Variants in NUFIP1 observed in about 807,000 individuals in gnomAD.
NUFIP1 encodes the protein nuclear FMR1 interacting protein 1.
A neutral mutation model predicts 56.2 loss-of-function variants in NUFIP1; 38 were observed. That is an observed-to-expected ratio of 0.68 (90% CI 0.52 to 0.89). NUFIP1 has a LOEUF of 0.89. Ranked by LOEUF, NUFIP1 falls within the 40% of genes least tolerant of loss-of-function variation. The pLI is 0.00. For synonymous variants in NUFIP1, 215 were observed against 212.4 expected (o/e 1.01, Z -0.10); for missense variants, 567 against 605.8 (o/e 0.94, Z 0.67).
At chr13:44,973,883 A>G (rs768243207) in intron 5 of NUFIP1, among the ~76,000 whole-genome samples, 13 of 152,236 alleles carry the variant, frequency 8.5e-5, no homozygotes, top group Non-Finnish European at 1.9e-4. Flanking sequence ...GATATGATAA[A>G]TAACAAGTTT....
intron 5 of NUFIP1, among the ~76,000 whole-genome samples, chr13:44,975,879 C>T (rs1871955476): frequency 6.6e-6 from 1 of 152,108 alleles, no homozygotes; most frequent in African/African-American, 2.4e-5. Context: ...TAATTTATAC[C>T]ACCACAAGAT....
rs1307617168 is a variant in NUFIP1, at chr13:44,939,573, T to A, written c.*1633A>T. The A allele has an allele frequency of 1.3e-5, 2 of 152,122 alleles. No homozygotes were observed. Among genetic ancestry groups the A allele is most frequent in the African/African-American group, 4.8e-5 (2 of 41,416 alleles). 9.4% of individuals were successfully genotyped at this position (152,122 alleles called of 1,614,324 possible). ...TATTTACAAATATTGACCATATAAT[T>A]CCATAAAGTAGAAACCATACAGGCT... On this transcript the variant is annotated 3_prime_UTR_variant, in exon 10 of 10. Coordinates refer to ENST00000379161, the MANE Select transcript of NUFIP1 (RefSeq NM_012345.3).
At chr13:44,959,639 A>G in intron 6 of NUFIP1, 65 bp from the exon 7 acceptor site, 1 of 1,349,084 alleles carries the variant, frequency 7.4e-7, no homozygotes. Flanking sequence ...ATTTTGAAAA[A>G]GACTACTAGA....
intron 7 of NUFIP1, among the ~76,000 whole-genome samples, chr13:44,953,929 A>G (rs1157582059): frequency 1.3e-5 from 2 of 152,182 alleles, no homozygotes; most frequent in African/African-American, 4.8e-5. Context: ...TGTTTAAGGG[A>G]CAAACCATAT....
At chr13:44,968,830 T>A (rs1251234926) in intron 5 of NUFIP1, among the ~76,000 whole-genome samples, 1 of 152,200 alleles carries the variant, frequency 6.6e-6, no homozygotes, top group Non-Finnish European at 1.5e-5. Context: ...TAACTGCTTT[T>A]CATTGGTAAA....
intron 5 of NUFIP1, among the ~76,000 whole-genome samples, chr13:44,968,850 C>T (rs940501455): frequency 6.6e-6 from 1 of 152,170 alleles, no homozygotes; most frequent in Non-Finnish European, 1.5e-5. Context: ...AGAATTTAAA[C>T]TTGTTATAGC....
rs1871023310 is a variant in NUFIP1, at chr13:44,949,717, C to T, written c.1138+5G>A. 1.9e-6 allele frequency: 3 copies of T among 1,571,442 alleles called. No homozygotes were observed. The highest frequency in any genetic ancestry group is 2.3e-5 in the South Asian group (2 of 86,910). ...AACCCTGTAACAACACACACCATGA[C>T]TTACCTTCTGGCTCACTCTCTGACC... On this transcript the variant is annotated splice_donor_5th_base_variant and intron_variant, in intron 8 of 9. Transcript: ENST00000379161.
chr13:44,976,372 G>A (rs1014742399), intron 5 of NUFIP1, among the ~76,000 whole-genome samples: 2 of 151,318 alleles, frequency 1.3e-5, no homozygotes, highest in Non-Finnish European at 2.9e-5. Flanking sequence ...AGGAGGAGGA[G>A]GCGAAGGTGA....
chr13:44,943,723 CAGGT>C (rs768443740), intron 8 of NUFIP1, 49 bp from the exon 9 acceptor site: 3 of 1,427,350 alleles, frequency 2.1e-6, no homozygotes, highest in East Asian at 4.6e-5. Context: ...CAAAACAAAA[CAGGT>C]AGACCTTTCA....
chr13:44,955,527 C>G (rs757140069), intron 7 of NUFIP1, among the ~76,000 whole-genome samples: 1 of 152,180 alleles, frequency 6.6e-6, no homozygotes, highest in Non-Finnish European at 1.5e-5. Context: ...ATAGGGAGAG[C>G]TTTATTATTA....
intron 9 of NUFIP1, among the ~76,000 whole-genome samples, chr13:44,942,952 C>T (rs1305396622): frequency 3.0e-5 from 4 of 132,880 alleles, no homozygotes; most frequent in African/African-American, 1.1e-4. Flanking sequence ...GGTGACAAAG[C>T]AAGACCTCAA....
chr13:44,979,177 G>C lies in NUFIP1; in HGVS notation c.734+13C>G. 1 of 1,599,754 alleles carries C rather than the reference G, an allele frequency of 6.3e-7. No homozygotes were observed. The highest frequency in any genetic ancestry group is 1.1e-5 in the South Asian group (1 of 89,782). ...GTAAAACAGTTATTTCACCAGTTCTGAACTCTACTCACTTCCTTCTTTCTT... is the reference window on the plus strand; with the variant it reads ...GTAAAACAGTTATTTCACCAGTTCTCAACTCTACTCACTTCCTTCTTTCTT... On this transcript the variant is annotated intron_variant, in intron 5 of 9. Transcript: ENST00000379161.
At chr13:44,983,356 T>C (rs1440194710) in intron 1 of NUFIP1, among the ~76,000 whole-genome samples, 2 of 152,038 alleles carry the variant, frequency 1.3e-5, no homozygotes, top group Non-Finnish European at 2.9e-5. Flanking sequence ...TCGTATTTTT[T>C]AGTAGAGACA....
At chr13:44,977,225 A>G (rs1872011243) in intron 5 of NUFIP1, among the ~76,000 whole-genome samples, 1 of 152,272 alleles carries the variant, frequency 6.6e-6, no homozygotes, top group Non-Finnish European at 1.5e-5. Flanking sequence ...TGCAAAGCAC[A>G]GCAGAATTAA....
rs1871349861 is a variant in NUFIP1, at chr13:44,959,513, G to C, written c.889C>G (p.His297Asp). 4 of 1,614,012 alleles carry C rather than the reference G, an allele frequency of 2.5e-6. No individual in the cohort carries two copies. In the East Asian group the frequency reaches 8.9e-5, roughly 36 times the overall value. Residue 297 changes from histidine (H) to aspartate (D), a missense_variant, in exon 7 of 10, where the codon CAC becomes GAC. Transcript: ENST00000379161. Reference sequence around the variant, plus strand: ...CTAGAATTGTCGTTTTTCCATTTGTGATTCTTGCCAGGACTTCTGATCTTT... The same window carrying C: ...CTAGAATTGTCGTTTTTCCATTTGTCATTCTTGCCAGGACTTCTGATCTTT... ...MAKIRSPGKN[H>D]KWKNDNSRQR...
intron 7 of NUFIP1, among the ~76,000 whole-genome samples, chr13:44,951,809 T>C (rs1222497048): frequency 2.0e-5 from 3 of 152,208 alleles, no homozygotes; most frequent in African/African-American, 7.2e-5. Context: ...TTAAAAAATG[T>C]ACCTTAATTT....
chr13:44,965,181 G>A (rs1871554928), intron 6 of NUFIP1, among the ~76,000 whole-genome samples: 1 of 152,288 alleles, frequency 6.6e-6, no homozygotes, highest in Admixed American at 6.5e-5. Flanking sequence ...GAGTTTCCCT[G>A]CACAAGCTCT....
chr13:44,982,032 A>G, intron 2 of NUFIP1, 40 bp downstream of exon 2: 1 of 1,106,876 alleles, frequency 9.0e-7, no homozygotes, highest in Non-Finnish European at 1.3e-6. Flanking sequence ...ACAGTAACAT[A>G]GGGACCAAGG....
chr13:44,944,006 C>CT lies in NUFIP1; in HGVS notation c.1139-333dup, dbSNP rs201471655. On this transcript the variant is annotated intron_variant, in intron 8 of 9. Coordinates refer to ENST00000379161, the MANE Select transcript of NUFIP1 (RefSeq NM_012345.3). ...TAAATATGTGAATAAATATAAAAGA[C>CT]TTTTTTTCCTCATTGGCAAAATTTT... 5.9e-5 allele frequency among the ~76,000 whole-genome samples: 9 copies of CT among 152,202 alleles called. No homozygotes were observed. In the East Asian group the frequency reaches 1.7e-3, roughly 29 times the overall value.
Sources: gnomAD v4.1 joint callset for allele counts (sites outside exome capture counted in the v4.1 genomes callset) on GRCh38, gnomAD v4.1.1 for gene constraint, MANE v1.5 for transcripts, NCBI Gene and HGNC (gene_info 2026-07-23, HGNC 2026-07-21) for gene names.